The following SASH1 variants were observed in gnomAD, a reference collection of about 807,000 sequenced individuals.
SASH1 encodes SAM and SH3 domain containing 1, also known as SAM and SH3 domain-containing protein 1.
SASH1 carries 44 observed loss-of-function variants against 125.2 expected under a neutral mutation model. That is an observed-to-expected ratio of 0.35 (90% CI 0.28 to 0.45). The LOEUF is 0.45. Ranked by LOEUF, SASH1 falls within the 20% of genes least tolerant of loss-of-function variation. SASH1 has a pLI of 1.00. For missense variants in SASH1, 1,426 were observed against 1,614.5 expected (o/e 0.88, Z 2.00); for synonymous variants, 639 against 649.1 (o/e 0.98, Z 0.24).
At chr6:148,547,335 A>G (rs1001211703) in intron 19 of SASH1, among the ~76,000 whole-genome samples, 17 of 152,186 alleles carry the variant, frequency 1.1e-4, no homozygotes, top group African/African-American at 3.6e-4. Context: ...AGACAAAGGG[A>G]TGATTGTCAG....
chr6:148,527,260 CA>C (rs1781234109), intron 11 of SASH1, 192 bp from the exon 12 acceptor site: 1 of 495,886 alleles, frequency 2.0e-6, no homozygotes, highest in African/African-American at 2.0e-5. Flanking sequence ...CCACTTTAAG[CA>C]AACAAAAATA....
At chr6:148,358,128 TA>T (rs377748581) in intron 1 of SASH1, among the ~76,000 whole-genome samples, 2,881 of 148,358 alleles carry the variant, frequency 0.019, 85 homozygotes, top group African/African-American at 0.067. Context: ...GGTTTGGCTT[TA>T]AAAAAAAAAT....
intron 1 of SASH1, among the ~76,000 whole-genome samples, chr6:148,370,411 C>T (rs1782662765): frequency 1.3e-5 from 2 of 152,212 alleles, no homozygotes; most frequent in South Asian, 4.1e-4. Flanking sequence ...TATGTTAACA[C>T]ACTAGGTTGA....
chr6:148,446,263 C>T (rs1330867533), intron 4 of SASH1, among the ~76,000 whole-genome samples: 1 of 151,932 alleles, frequency 6.6e-6, no homozygotes, highest in Non-Finnish European at 1.5e-5. Context: ...TGCCCGCCAT[C>T]ATGCCCAGCT....
chr6:148,354,823 C>T (rs151250227), intron 1 of SASH1, among the ~76,000 whole-genome samples: 6 of 152,252 alleles, frequency 3.9e-5, no homozygotes, highest in Admixed American at 2.6e-4. Flanking sequence ...AGTGCAGTGG[C>T]GCAATCTCGG....
At chr6:148,432,658 A>G (rs1390072495) in intron 2 of SASH1, among the ~76,000 whole-genome samples, 6 of 152,088 alleles carry the variant, frequency 3.9e-5, no homozygotes, top group East Asian at 1.9e-4. Flanking sequence ...CTTCCTCTCC[A>G]TTTTTGGAAC....
intron 11 of SASH1, among the ~76,000 whole-genome samples, chr6:148,526,122 A>AATCT (rs1232746471): frequency 5.1e-4 from 69 of 136,280 alleles, no homozygotes; most frequent in African/African-American, 1.8e-3. Flanking sequence ...GTAGTGGCAC[A>AATCT]ATCTTGCCTC....
intron 1 of SASH1, among the ~76,000 whole-genome samples, chr6:148,360,771 A>G (rs2114704656): frequency 1.3e-5 from 2 of 152,324 alleles, no homozygotes; most frequent in Admixed American, 1.3e-4. Context: ...TGTGTTAAAC[A>G]CTATACTAAG....
the SASH1 span, among the ~76,000 whole-genome samples, chr6:148,260,868 C>T: frequency 7.5e-6 from 1 of 133,360 alleles, no homozygotes; most frequent in East Asian, 2.4e-4. Context: ...GTGGTGCAAT[C>T]TTGGCTCACT....
the SASH1 span, among the ~76,000 whole-genome samples, chr6:148,213,558 G>A: frequency 1.4e-5 from 2 of 142,140 alleles, no homozygotes. Context: ...AAAGCACGGG[G>A]AAGGGAGGCT....
chr6:148,364,815 C>G (rs961977608), intron 1 of SASH1, among the ~76,000 whole-genome samples: 1 of 152,048 alleles, frequency 6.6e-6, no homozygotes. Context: ...TAAGAACATT[C>G]CATGATTAAC....
chr6:148,446,088 C>CTTTTTTTTTTTTTTTTTTTTTTTTTTT (rs576798745), intron 4 of SASH1, among the ~76,000 whole-genome samples: 1 of 71,002 alleles, frequency 1.4e-5, no homozygotes, highest in Non-Finnish European at 2.6e-5. Context: ...ACATAGGGTT[C>CTTTTTTTTTTTTTTTTTTTTTTTTTTT]TTTTTTTTTT....
intron 2 of SASH1, among the ~76,000 whole-genome samples, chr6:148,423,909 G>A (rs959049338): frequency 2.0e-5 from 3 of 151,344 alleles, no homozygotes; most frequent in Non-Finnish European, 2.9e-5. Flanking sequence ...TCATGTAAAC[G>A]ATAAATTATA....
chr6:148,407,380 G>A (rs572634993), intron 2 of SASH1, among the ~76,000 whole-genome samples: 2 of 152,010 alleles, frequency 1.3e-5, no homozygotes, highest in African/African-American at 2.4e-5. Flanking sequence ...TGCCCTCAGC[G>A]TTCATCTGTC....
chr6:148,514,563 G>A, intron 9 of SASH1, 107 bp downstream of exon 9: 1 of 1,205,144 alleles, frequency 8.3e-7, no homozygotes, highest in Non-Finnish European at 1.1e-6. Context: ...ACGATTTCAA[G>A]TGGAAAATGC....
At chr6:148,378,141 T>C (rs1167357665) in intron 1 of SASH1, among the ~76,000 whole-genome samples, 1 of 150,814 alleles carries the variant, frequency 6.6e-6, no homozygotes, top group Non-Finnish European at 1.5e-5. Flanking sequence ...AACCTCAGCC[T>C]ACCAGGTTCA....
In SASH1 at chr6:148,471,811, G is replaced by A. The variant is rs866340333; in HGVS notation, c.514+308G>A. Among the ~76,000 whole-genome samples, 43 of 151,802 alleles carry A rather than the reference G, an allele frequency of 2.8e-4. 1 individual carries two copies. Among genetic ancestry groups the A allele is most frequent in the South Asian group, 4.2e-4 (2 of 4,810 alleles). ...TCAGAAAGATCTTTACTCTTCTCTC[G>A]TCAAGATCTAGCCTGAAAGGGCCTA... On this transcript the variant is annotated intron_variant, in intron 6 of 19. Coordinates refer to ENST00000367467, the MANE Select transcript of SASH1 (RefSeq NM_015278.5).
intron 19 of SASH1, 32 bp from the exon 20 acceptor site, chr6:148,548,263 G>C: frequency 6.3e-7 from 1 of 1,581,694 alleles, no homozygotes; most frequent in Non-Finnish European, 8.6e-7. Context: ...CACATGGAGC[G>C]TTTCTATCAT....
At chr6:148,318,491 C>T (rs953826096) in intron 1 of SASH1, among the ~76,000 whole-genome samples, 1 of 151,778 alleles carries the variant, frequency 6.6e-6, no homozygotes, top group African/African-American at 2.4e-5. Context: ...GTACTGCAAA[C>T]ATGGCCATAG....
Sources: allele counts gnomAD v4.1 joint callset (sites outside exome capture counted in the v4.1 genomes callset), GRCh38; gene constraint gnomAD v4.1.1; transcripts MANE v1.5; gene names NCBI Gene and HGNC (gene_info 2026-07-23, HGNC 2026-07-21).